PBRM1: variants seen among roughly 807,000 people sequenced by gnomAD.
PBRM1 encodes polybromo 1, also known as protein polybromo-1.
Under a neutral mutation model 194.5 loss-of-function variants are expected in PBRM1, and 27 were observed. The observed-to-expected ratio is 0.14, with a 90% CI of 0.10 to 0.19. The LOEUF is 0.19. Ranked by LOEUF, PBRM1 falls within the 10% of genes least tolerant of loss-of-function variation. The probability of loss-of-function intolerance (pLI) is 1.00; values close to 1 mark genes in which losing one functional copy is unlikely to be tolerated. For missense variants in PBRM1, 1,466 were observed against 2,077.2 expected, an observed-to-expected ratio of 0.71 and a Z score of 5.72; for synonymous variants, 655 against 693.2, an observed-to-expected ratio of 0.94 and a Z score of 0.87.
intron 22 of PBRM1, among the ~76,000 whole-genome samples, chr3:52,567,023 T>C (rs2085445798): frequency 6.8e-6 from 1 of 147,636 alleles, no homozygotes; most frequent in Non-Finnish European, 1.5e-5. Flanking sequence ...GAGCCGAGAC[T>C]GTGCCACTGA....
intron 16 of PBRM1, among the ~76,000 whole-genome samples, chr3:52,604,536 A>G (rs761067204): frequency 2.0e-5 from 3 of 152,018 alleles, no homozygotes; most frequent in Non-Finnish European, 4.4e-5. Flanking sequence ...CGCTGTCTCA[A>G]CAAAAAAGTA....
intron 4 of PBRM1, 139 bp downstream of exon 5, chr3:52,661,994 A>AT (rs1487155270): frequency 1.2e-6 from 1 of 800,286 alleles, no homozygotes; most frequent in African/African-American, 1.7e-5. Context: ...CTCTGGCTGA[A>AT]TGTCCTTTTA....
At chr3:52,568,436 T>C (rs1222488402) in intron 22 of PBRM1, among the ~76,000 whole-genome samples, 1 of 152,234 alleles carries the variant, frequency 6.6e-6, no homozygotes, top group Non-Finnish European at 1.5e-5. Flanking sequence ...ATTGTCATTT[T>C]TGTTTTTGCC....
At chr3:52,629,496 C>T (rs1225951393) in intron 11 of PBRM1, among the ~76,000 whole-genome samples, 1 of 152,182 alleles carries the variant, frequency 6.6e-6, no homozygotes, top group Non-Finnish European at 1.5e-5. Context: ...AGAGACAGTA[C>T]TGACAGTGCA....
At chr3:52,641,892 A>G in intron 10 of PBRM1, 62 bp downstream of exon 11, 12 of 1,013,608 alleles carry the variant, frequency 1.2e-5, no homozygotes, top group Non-Finnish European at 1.9e-5. Flanking sequence ...AATCACTGCA[A>G]TTTCATTTAG....
At chr3:52,642,045 A>T (rs1484038292) in exon 10 of PBRM1, 1 of 1,460,524 alleles carries the variant, frequency 6.8e-7, no homozygotes, top group Non-Finnish European at 9.5e-7. Flanking sequence ...CTCTTTTATT[A>T]CTACAAAAAA....
intron 16 of PBRM1, among the ~76,000 whole-genome samples, chr3:52,607,375 A>G (rs1197473249): frequency 6.6e-6 from 1 of 152,190 alleles, no homozygotes; most frequent in Non-Finnish European, 1.5e-5. Flanking sequence ...TCACTATCTC[A>G]TAAAAATACA....
At chr3:52,586,451 C>A (rs1341857262) in exon 20 of PBRM1, 2 of 1,613,516 alleles carry the variant, frequency 1.2e-6, no homozygotes, top group Admixed American at 3.3e-5. Flanking sequence ...TTGTCTTCAG[C>A]TCGACTGTCC....
At chr3:52,618,751 C>T (rs922498532) in intron 13 of PBRM1, among the ~76,000 whole-genome samples, 5 of 150,954 alleles carry the variant, frequency 3.3e-5, no homozygotes, top group South Asian at 2.1e-4. Flanking sequence ...CCTGCCACGA[C>T]GCCCTGCTTT....
chr3:52,627,222 A>G, intron 13 of PBRM1, 51 bp downstream of exon 14: 3 of 1,017,560 alleles, frequency 2.9e-6, no homozygotes, highest in Non-Finnish European at 3.0e-6. Flanking sequence ...ACTTATCTAA[A>G]ACAAAATTAA....
At chr3:52,610,017 G>T in intron 15 of PBRM1, 62 bp from the exon 18 acceptor site, 1 of 1,019,596 alleles carries the variant, frequency 9.8e-7, no homozygotes, top group Non-Finnish European at 1.4e-6. Context: ...GTATACAGAT[G>T]GTAGCATAAC....
intron 6 of PBRM1, among the ~76,000 whole-genome samples, 199 bp downstream of exon 7, chr3:52,651,543 G>A (rs1021401484): frequency 7.2e-5 from 11 of 151,936 alleles, no homozygotes; most frequent in South Asian, 6.2e-4. Flanking sequence ...CAGAAATGTC[G>A]GTAACCAATG....
At chr3:52,571,727 T>C (rs988843897) in intron 22 of PBRM1, among the ~76,000 whole-genome samples, 2 of 136,880 alleles carry the variant, frequency 1.5e-5, no homozygotes, top group African/African-American at 5.5e-5. Flanking sequence ...GATACAGAAA[T>C]AGAAATATTG....
intron 22 of PBRM1, among the ~76,000 whole-genome samples, chr3:52,571,829 C>A (rs1396018024): frequency 3.2e-5 from 4 of 124,354 alleles, no homozygotes; most frequent in Non-Finnish European, 6.3e-5. Flanking sequence ...TGAGACCAGC[C>A]TGAGCAAGAG....
chr3:52,640,970 T>C (rs2096057800), intron 10 of PBRM1, among the ~76,000 whole-genome samples: 1 of 152,034 alleles, frequency 6.6e-6, no homozygotes, highest in Non-Finnish European at 1.5e-5. Context: ...TAAAAAACAA[T>C]GCTAACAAGA....
intron 14 of PBRM1, 65 bp from the exon 17 acceptor site, chr3:52,615,521 C>T: frequency 2.0e-6 from 2 of 1,007,538 alleles, no homozygotes; most frequent in African/African-American, 3.2e-5. Context: ...AAAATGCATC[C>T]ATAAAGAAGT....
chr3:52,579,298 G>GA (rs1193250807), intron 20 of PBRM1, 99 bp from the exon 23 acceptor site: 17 of 1,148,416 alleles, frequency 1.5e-5, no homozygotes, highest in Non-Finnish European at 1.9e-5. Flanking sequence ...TAACTTAAAA[G>GA]AAAAAACCAC....
intron 5 of PBRM1, 64 bp downstream of exon 6, chr3:52,658,135 T>C: frequency 1.2e-6 from 1 of 807,328 alleles, no homozygotes; most frequent in Non-Finnish European, 2.2e-6. Context: ...CAGTAATTAA[T>C]ACAATTCTTG....
chr3:52,600,171 C>T (rs146947502), intron 17 of PBRM1, among the ~76,000 whole-genome samples: 1 of 152,084 alleles, frequency 6.6e-6, no homozygotes, highest in African/African-American at 2.4e-5. Context: ...CTCTTTTTAT[C>T]TATTTGGGGA....
Sources: allele counts gnomAD v4.1 joint callset (sites outside exome capture counted in the v4.1 genomes callset), GRCh38; gene constraint gnomAD v4.1.1; transcripts MANE v1.5; gene names NCBI Gene and HGNC (gene_info 2026-07-23, HGNC 2026-07-21).